Variants in CYSLTR2 observed in about 807,000 individuals in gnomAD.
CYSLTR2 encodes cysteinyl leukotriene receptor 2, also known as G-protein coupled receptor GPCR21.
For missense variants in CYSLTR2, 398 were observed against 411.9 expected, an observed-to-expected ratio of 0.97 and a Z score of 0.29; for synonymous variants, 179 against 160.8, an observed-to-expected ratio of 1.11 and a Z score of -0.86.
chr13:48,663,308 T>G (rs187531563), intron 1 of CYSLTR2, among the ~76,000 whole-genome samples: 2 of 152,318 alleles, frequency 1.3e-5, no homozygotes, highest in African/African-American at 4.8e-5. Flanking sequence ...TGCTCAGGTT[T>G]GCTTTAGCTA....
At chr13:48,658,738 G>T (rs1188201654) in intron 1 of CYSLTR2, among the ~76,000 whole-genome samples, 1 of 152,220 alleles carries the variant, frequency 6.6e-6, no homozygotes, top group Non-Finnish European at 1.5e-5. Context: ...GCAAGAGAGA[G>T]CCTGCAGTGT....
chr13:48,703,758 A>G (rs1954411305), intron 4 of CYSLTR2, among the ~76,000 whole-genome samples: 2 of 152,222 alleles, frequency 1.3e-5, no homozygotes, highest in Non-Finnish European at 2.9e-5. Context: ...ATAAATTGGG[A>G]AATACCTTTC....
intron 1 of CYSLTR2, among the ~76,000 whole-genome samples, chr13:48,663,081 A>C (rs1953169940): frequency 6.6e-6 from 1 of 152,032 alleles, no homozygotes; most frequent in Admixed American, 6.6e-5. Context: ...TTTGCCCAGA[A>C]CCATTTATTC....
intron 4 of CYSLTR2, among the ~76,000 whole-genome samples, chr13:48,697,539 T>TA (rs1375886110): frequency 6.6e-6 from 1 of 152,108 alleles, no homozygotes; most frequent in Non-Finnish European, 1.5e-5. Context: ...CAAAGGTAGA[T>TA]AAAACCACAA....
intron 1 of CYSLTR2, among the ~76,000 whole-genome samples, chr13:48,677,540 C>T (rs1953630871): frequency 6.6e-6 from 1 of 152,106 alleles, no homozygotes; most frequent in Non-Finnish European, 1.5e-5. Context: ...GTAGACTGTA[C>T]ATTCTACCAT....
intron 2 of CYSLTR2, among the ~76,000 whole-genome samples, chr13:48,691,586 A>G (rs7336389): frequency 0.011 from 1,661 of 152,232 alleles, 30 homozygotes; most frequent in African/African-American, 0.032. Context: ...TGTGACTACT[A>G]GAGCTAATGA....
At position 48,707,328 on chromosome 13, in the gene CYSLTR2, A is replaced by G. The variant is rs201203366; in HGVS notation, c.511A>G (p.Ile171Val). 9.9e-6 allele frequency: 16 copies of G among 1,614,076 alleles called. No individual in the cohort carries two copies. The highest frequency in any genetic ancestry group is 2.2e-5 in the South Asian group (2 of 91,086). ...ATGGATCCTTATCATGGCTTCCTCAATAATGCTCCTGGACAGTGGCTCTGA... is the reference window on the plus strand; with the variant it reads ...ATGGATCCTTATCATGGCTTCCTCAGTAATGCTCCTGGACAGTGGCTCTGA... ...IIWILIMASSIMLLDSGSEQN... is the reference protein window; with the variant it reads ...IIWILIMASSVMLLDSGSEQN... Residue 171 changes from isoleucine to valine, a missense_variant, in exon 5 of 5, where the codon ATA (isoleucine) becomes GTA (valine). Transcript: ENST00000682523.
rs117278802 is a variant in CYSLTR2, at chr13:48,682,044, A to G, written c.-265-9168A>G. On this transcript the variant is annotated intron_variant, in intron 1 of 4. Coordinates refer to ENST00000682523, the MANE Select transcript of CYSLTR2 (RefSeq NM_001308476.3). ...AAAGGCCATTTGTAATGAAACCTTTATGTAAAAATTCCTCTGACTGATTCC... is the reference window on the plus strand; with the variant it reads ...AAAGGCCATTTGTAATGAAACCTTTGTGTAAAAATTCCTCTGACTGATTCC... Among the ~76,000 whole-genome samples the G allele has an allele frequency of 6.7e-3, 1,015 of 152,230 alleles. 16 individuals are homozygous for G. Among genetic ancestry groups the G allele is most frequent in the Non-Finnish European group, 5.0e-3 (338 of 68,016 alleles).
intron 1 of CYSLTR2, among the ~76,000 whole-genome samples, chr13:48,678,522 G>A (rs1593970205): frequency 6.6e-6 from 1 of 151,956 alleles, no homozygotes; most frequent in Non-Finnish European, 1.5e-5. Context: ...CCCGCTGTGC[G>A]AGCCTCTCCA....
chr13:48,678,545 C>A (rs953502512), intron 1 of CYSLTR2, among the ~76,000 whole-genome samples: 1 of 152,098 alleles, frequency 6.6e-6, no homozygotes, highest in African/African-American at 2.4e-5. Flanking sequence ...CCTCTGGCTT[C>A]AGTTACTATC....
At chr13:48,684,893 T>C (rs1953857750) in intron 1 of CYSLTR2, among the ~76,000 whole-genome samples, 1 of 152,030 alleles carries the variant, frequency 6.6e-6, no homozygotes, top group South Asian at 2.1e-4. Flanking sequence ...AAAATGCCAA[T>C]AATGACAGAG....
At chr13:48,677,376 C>A (rs1336430587) in intron 1 of CYSLTR2, among the ~76,000 whole-genome samples, 1 of 152,022 alleles carries the variant, frequency 6.6e-6, no homozygotes, top group Admixed American at 6.6e-5. Context: ...TTCAGGGTGT[C>A]TAGGTGCAAA....
chr13:48,698,071 A>C (rs533661007), intron 4 of CYSLTR2, among the ~76,000 whole-genome samples: 1 of 152,346 alleles, frequency 6.6e-6, no homozygotes, highest in East Asian at 1.9e-4. Context: ...TGACGGGGAG[A>C]ATGGAACCAA....
At chr13:48,665,447 A>G (rs1051341467) in intron 1 of CYSLTR2, among the ~76,000 whole-genome samples, 3 of 152,058 alleles carry the variant, frequency 2.0e-5, no homozygotes, top group Non-Finnish European at 2.9e-5. Context: ...ATTGGGATCT[A>G]TCTCTTCCTT....
At chr13:48,689,347 G>A (rs1389532953) in intron 1 of CYSLTR2, among the ~76,000 whole-genome samples, 1 of 152,074 alleles carries the variant, frequency 6.6e-6, no homozygotes, top group East Asian at 1.9e-4. Flanking sequence ...TGTCCTGAAT[G>A]TATTGCCTAG....
chr13:48,668,224 G>A (rs1953317038), intron 1 of CYSLTR2, among the ~76,000 whole-genome samples: 1 of 151,632 alleles, frequency 6.6e-6, no homozygotes. Context: ...TTATACAAGT[G>A]CCATAGGGAT....
At chr13:48,676,216 C>T (rs900050737) in intron 1 of CYSLTR2, among the ~76,000 whole-genome samples, 2 of 152,200 alleles carry the variant, frequency 1.3e-5, no homozygotes, top group African/African-American at 4.8e-5. Context: ...TCTCTGTGCT[C>T]TTTCTGCCAT....
intron 1 of CYSLTR2, among the ~76,000 whole-genome samples, chr13:48,666,092 G>T (rs1315241465): frequency 6.6e-6 from 1 of 152,076 alleles, no homozygotes; most frequent in Non-Finnish European, 1.5e-5. Context: ...TGGTCTAGTG[G>T]TGATACATTC....
At position 48,693,437 on chromosome 13, in the gene CYSLTR2, G is replaced by C. The variant is rs1366857848; in HGVS notation, c.-175-1G>C. 1 of 151,440 alleles carries C rather than the reference G, an allele frequency of 6.6e-6. No individual in the cohort carries two copies. The highest frequency in any genetic ancestry group is 2.4e-5 in the African/African-American group (1 of 41,214). The allele number at this position is 151,440 out of a possible 1,614,324, so 9.4% of individuals were successfully genotyped here. A position where few individuals can be genotyped will look rare whatever the true frequency, so the allele number is the denominator to read the frequency against. ...ATAACATTTTTTCCCCTTTTTTTCAGACATTTTGACTACTTGTCTGAACTA... is the reference window on the plus strand; with the variant it reads ...ATAACATTTTTTCCCCTTTTTTTCACACATTTTGACTACTTGTCTGAACTA... On this transcript the variant is annotated splice_acceptor_variant, in intron 2 of 4. Coordinates refer to ENST00000682523, the MANE Select transcript of CYSLTR2 (RefSeq NM_001308476.3). LOFTEE classifies it low-confidence loss of function (5UTR_SPLICE).
Sources: allele counts gnomAD v4.1 joint callset (sites outside exome capture counted in the v4.1 genomes callset), GRCh38; gene constraint gnomAD v4.1.1; transcripts MANE v1.5; gene names NCBI Gene and HGNC (gene_info 2026-07-23, HGNC 2026-07-21).